NT5E: variants seen among roughly 807,000 people sequenced by gnomAD.
NT5E encodes 5'-nucleotidase ecto.
In NT5E, 53 loss-of-function variants were observed where a neutral mutation model predicts 55.1. The ratio of observed to expected loss-of-function variants is 0.96; its 90% CI spans 0.77 to 1.21. The LOEUF (loss-of-function observed/expected upper bound fraction) is 1.21, where lower values mean the gene tolerates loss of function less well. Among genes scored for constraint, NT5E ranks in the 50% most tolerant of loss-of-function variants. NT5E has a pLI of 0.00. For missense variants in NT5E, 683 were observed against 724.3 expected (o/e 0.94, Z 0.65); for synonymous variants, 270 against 278.4 (o/e 0.97, Z 0.30).
chr6:85,452,228 G>A (rs1245322633), intron 1 of NT5E, among the ~76,000 whole-genome samples: 2 of 152,112 alleles, frequency 1.3e-5, no homozygotes, highest in Non-Finnish European at 2.9e-5. Flanking sequence ...GTTTTATTTT[G>A]CATATAAACC....
intron 7 of NT5E, chr6:85,490,967 G>C: frequency 2.0e-6 from 1 of 506,520 alleles, no homozygotes. Flanking sequence ...TCTTATTTAA[G>C]CATTCAATTA....
intron 3 of NT5E, among the ~76,000 whole-genome samples, chr6:85,472,001 C>G (rs1457522988): frequency 6.6e-6 from 1 of 152,204 alleles, no homozygotes; most frequent in Admixed American, 6.5e-5. Flanking sequence ...ACCCCCACCA[C>G]TCTCTTTTTT....
At chr6:85,483,576 CT>C (rs1256714914) in intron 3 of NT5E, among the ~76,000 whole-genome samples, 1 of 152,062 alleles carries the variant, frequency 6.6e-6, no homozygotes, top group African/African-American at 2.4e-5. Flanking sequence ...AGACCTTTTT[CT>C]TTTTTTTCCC....
intron 3 of NT5E, among the ~76,000 whole-genome samples, chr6:85,482,525 T>A (rs955303887): frequency 6.6e-6 from 1 of 152,154 alleles, no homozygotes; most frequent in Admixed American, 6.5e-5. Context: ...TTCACCACAG[T>A]CCTTGGTTCC....
chr6:85,475,293 A>G (rs548527870), intron 3 of NT5E, among the ~76,000 whole-genome samples: 1 of 152,306 alleles, frequency 6.6e-6, no homozygotes, highest in Non-Finnish European at 1.5e-5. Flanking sequence ...CCATTATATT[A>G]ATTTTATTGT....
At chr6:85,463,506 C>CA in intron 1 of NT5E, among the ~76,000 whole-genome samples, 1 of 152,032 alleles carries the variant, frequency 6.6e-6, no homozygotes, top group Non-Finnish European at 1.5e-5. Context: ...AGTTTAGCTA[C>CA]AAAAAATGTA....
In NT5E at chr6:85,493,981, G is replaced by A; in HGVS notation, c.1702G>A (p.Val568Met). 2.5e-6 allele frequency: 4 copies of A among 1,613,994 alleles called. No homozygotes were observed. The highest frequency in any genetic ancestry group is 3.4e-6 in the Non-Finnish European group (4 of 1,179,952). Residue 568 changes from valine to methionine, a missense_variant, in exon 9 of 9, where the codon GTG (valine) becomes ATG (methionine). Val to Met is a conservative substitution (Grantham distance 21). Coordinates refer to ENST00000257770, the MANE Select transcript of NT5E (RefSeq NM_002526.4). ...FSLIFLSLWA[V>M]IFVLYQ The stretch of plus-strand genomic sequence containing the variant: ...TTTAATATTTCTTTCACTTTGGGCA[G>A]TGATCTTTGTTTTATACCAATAGCC...
chr6:85,491,975 A>T lies in NT5E; in HGVS notation c.1361-2A>T, dbSNP rs1769794418. On this transcript the variant is annotated splice_acceptor_variant, in intron 7 of 8. Coordinates refer to ENST00000257770, the MANE Select transcript of NT5E (RefSeq NM_002526.4). LOFTEE classifies it high-confidence loss of function. ...GTGAAAACAGATTCATTTCTTTTCTAGGAATCCATGTGGTGTATGATCTTT... is the reference window on the plus strand; with the variant it reads ...GTGAAAACAGATTCATTTCTTTTCTTGGAATCCATGTGGTGTATGATCTTT... 1.2e-6 allele frequency: 2 copies of T among 1,613,256 alleles called. No individual in the cohort carries two copies. The highest frequency in any genetic ancestry group is 1.7e-6 in the Non-Finnish European group (2 of 1,179,168).
intron 5 of NT5E, among the ~76,000 whole-genome samples, chr6:85,488,032 A>C (rs1418728171): frequency 1.3e-5 from 2 of 152,168 alleles, no homozygotes; most frequent in East Asian, 3.9e-4. Flanking sequence ...ACTGTTTTTC[A>C]CTCATCTGTT....
chr6:85,485,368 T>A lies in NT5E; in HGVS notation c.885T>A (p.Asp295Glu), dbSNP rs1209433406. 6.2e-7 allele frequency: 1 copy of A among 1,614,206 alleles called. No individual in the cohort carries two copies. Among genetic ancestry groups the A allele is most frequent in the Non-Finnish European group, 8.5e-7 (1 of 1,180,032 alleles). The change falls in exon 4 of 9, where the codon GAT (aspartate) becomes GAA (glutamate). Residue 295 changes from aspartate (D) to glutamate (E), a missense_variant. Asp to Glu is a conservative substitution (Grantham distance 45). Coordinates refer to ENST00000257770, the MANE Select transcript of NT5E (RefSeq NM_002526.4). The part of the protein sequence containing the change: ...KYLGYLKIEF[D>E]ERGNVISSHG... ...TAGGCTATCTGAAGATCGAGTTTGA[T>A]GAAAGAGGAAACGTCATCTCTTCCC...
intron 1 of NT5E, among the ~76,000 whole-genome samples, chr6:85,460,677 G>A (rs1230920649): frequency 6.6e-6 from 1 of 152,116 alleles, no homozygotes; most frequent in Non-Finnish European, 1.5e-5. Flanking sequence ...CCAAGGAAGA[G>A]CTGCCACTTC....
In NT5E at chr6:85,450,610, C is replaced by T. The variant is rs895925768; in HGVS notation, c.339+132C>T. On this transcript the variant is annotated intron_variant, in intron 1 of 8. Transcript: ENST00000257770. The surrounding 1 kb of genome is among the most constrained non-coding windows in gnomAD (Gnocchi z 4.0). Reference sequence around the variant, plus strand: ...AGAGATGTGGGGATAAAGTGAGACTCCGGCCAGTGTGCCAGCTGGATGCAT... The same window carrying T: ...AGAGATGTGGGGATAAAGTGAGACTTCGGCCAGTGTGCCAGCTGGATGCAT... The T allele has an allele frequency of 2.4e-6, 2 of 833,862 alleles. No individual in the cohort carries two copies. Among genetic ancestry groups the T allele is most frequent in the East Asian group, 2.7e-5 (1 of 37,634 alleles). The allele number at this position is 833,862 out of a possible 1,614,324, so 51.7% of individuals were successfully genotyped here. A position where few individuals can be genotyped will look rare whatever the true frequency, so the allele number is the denominator to read the frequency against.
chr6:85,480,357 G>A (rs1220164189), intron 3 of NT5E, among the ~76,000 whole-genome samples: 1 of 152,182 alleles, frequency 6.6e-6, no homozygotes, highest in Non-Finnish European at 1.5e-5. Context: ...CATAGTCTGG[G>A]CATAGATAAC....
chr6:85,452,016 G>A (rs150886578), intron 1 of NT5E, among the ~76,000 whole-genome samples: 2 of 152,330 alleles, frequency 1.3e-5, no homozygotes, highest in East Asian at 1.9e-4. Context: ...AGTTGATGAG[G>A]TGGGGCTCAC....
chr6:85,466,652 T>C (rs1426425227), intron 1 of NT5E, among the ~76,000 whole-genome samples: 1 of 152,166 alleles, frequency 6.6e-6, no homozygotes, highest in Non-Finnish European at 1.5e-5. Flanking sequence ...TGCCTTTTGC[T>C]AAAGTCCTGC....
At chr6:85,451,749 A>G (rs141565590) in intron 1 of NT5E, among the ~76,000 whole-genome samples, 1 of 152,352 alleles carries the variant, frequency 6.6e-6, no homozygotes, top group East Asian at 1.9e-4. Context: ...AGAAGAGCTT[A>G]GAGGTCAGGA....
intron 1 of NT5E, 25 bp from the exon 2 acceptor site, chr6:85,467,034 CT>C (rs1769208799): frequency 1.9e-6 from 3 of 1,597,964 alleles, no homozygotes; most frequent in Non-Finnish European, 2.6e-6. Flanking sequence ...GCACCTAATT[CT>C]TTTTCTCTTT....
At chr6:85,451,931 C>T (rs1055349731) in intron 1 of NT5E, among the ~76,000 whole-genome samples, 1 of 152,104 alleles carries the variant, frequency 6.6e-6, no homozygotes, top group Non-Finnish European at 1.5e-5. Context: ...GGAGAAAGCT[C>T]CCTCCGTTCT....
At chr6:85,468,687 G>A (rs929736684) in intron 2 of NT5E, among the ~76,000 whole-genome samples, 1 of 152,180 alleles carries the variant, frequency 6.6e-6, no homozygotes, top group Non-Finnish European at 1.5e-5. Flanking sequence ...TAGAAAGTTG[G>A]ATCAGGGCTA....
Sources: gnomAD v4.1 joint callset for allele counts (sites outside exome capture counted in the v4.1 genomes callset) on GRCh38, gnomAD v4.1.1 for gene constraint, Gnocchi (gnomAD v3.1) non-coding constraint, MANE v1.5 for transcripts, NCBI Gene and HGNC (gene_info 2026-07-23, HGNC 2026-07-21) for gene names.